Variants in KCNAB1 observed in about 807,000 individuals in gnomAD.
The protein encoded by KCNAB1 is potassium voltage-gated channel subfamily A regulatory beta subunit 1.
In KCNAB1, 35 loss-of-function variants were observed where a neutral mutation model predicts 64.6. The observed-to-expected ratio is 0.54, with a 90% CI of 0.41 to 0.72. The LOEUF (loss-of-function observed/expected upper bound fraction) is 0.72, where lower values mean the gene tolerates loss of function less well. Among genes scored for constraint, KCNAB1 ranks in the 30% least tolerant of loss-of-function variants. The pLI is 0.00. For missense variants in KCNAB1, 401 were observed against 512.9 expected, an observed-to-expected ratio of 0.78 and a Z score of 2.11; for synonymous variants, 177 against 183.8, an observed-to-expected ratio of 0.96 and a Z score of 0.30.
chr3:156,362,585 T>G (rs1039348954), intron 1 of KCNAB1, among the ~76,000 whole-genome samples: 1 of 152,230 alleles, frequency 6.6e-6, no homozygotes, highest in African/African-American at 2.4e-5. Context: ...ACTAGTTCAT[T>G]GGTTGATGTG....
intron 1 of KCNAB1, among the ~76,000 whole-genome samples, chr3:156,347,254 C>G (rs539030831): frequency 2.6e-4 from 39 of 152,292 alleles, no homozygotes; most frequent in African/African-American, 8.9e-4. Context: ...AAAAATAGAG[C>G]AGCAAACACT....
At chr3:156,155,168 T>A (rs1366698998) in intron 1 of KCNAB1, among the ~76,000 whole-genome samples, 2 of 152,176 alleles carry the variant, frequency 1.3e-5, no homozygotes, top group African/African-American at 4.8e-5. Context: ...TCGCTGTTTT[T>A]GGTACACTAT....
intron 1 of KCNAB1, among the ~76,000 whole-genome samples, chr3:156,245,703 G>A (rs1393580342): frequency 1.3e-5 from 2 of 152,152 alleles, no homozygotes; most frequent in Non-Finnish European, 2.9e-5. Flanking sequence ...TCTTGAACTT[G>A]CAAACAAGAG....
intron 1 of KCNAB1, among the ~76,000 whole-genome samples, chr3:156,127,370 T>C (rs1052054503): frequency 6.6e-6 from 1 of 152,244 alleles, no homozygotes; most frequent in African/African-American, 2.4e-5. Context: ...AGGCTGTAAT[T>C]CTTGTCATGT....
At chr3:156,432,732 A>G (rs566114872) in intron 2 of KCNAB1, among the ~76,000 whole-genome samples, 2 of 152,082 alleles carry the variant, frequency 1.3e-5, no homozygotes, top group African/African-American at 2.4e-5. Context: ...CTTATGCTTG[A>G]CAATAGCCTT....
intron 1 of KCNAB1, among the ~76,000 whole-genome samples, chr3:156,341,444 G>A (rs1388627818): frequency 6.6e-6 from 1 of 152,172 alleles, no homozygotes; most frequent in Non-Finnish European, 1.5e-5. Context: ...CCCTTAATTT[G>A]CACTGCCATT....
At chr3:156,439,599 G>T (rs1716852626) in intron 2 of KCNAB1, among the ~76,000 whole-genome samples, 1 of 152,142 alleles carries the variant, frequency 6.6e-6, no homozygotes, top group African/African-American at 2.4e-5. Flanking sequence ...CACCACAGAT[G>T]TATACTCTTT....
chr3:156,174,062 C>A (rs1209827770), intron 1 of KCNAB1, among the ~76,000 whole-genome samples: 1 of 152,118 alleles, frequency 6.6e-6, no homozygotes, highest in Non-Finnish European at 1.5e-5. Flanking sequence ...TGCAGACTAC[C>A]GATTATGGGA....
At chr3:156,192,071 T>C (rs1713594790) in intron 1 of KCNAB1, among the ~76,000 whole-genome samples, 1 of 152,232 alleles carries the variant, frequency 6.6e-6, no homozygotes, top group African/African-American at 2.4e-5. Flanking sequence ...TTTATAAAAC[T>C]GAGTTTGAAT....
chr3:156,243,156 C>T (rs1374155665), intron 1 of KCNAB1, among the ~76,000 whole-genome samples: 1 of 152,066 alleles, frequency 6.6e-6, no homozygotes, highest in Non-Finnish European at 1.5e-5. Flanking sequence ...GATCCACCCG[C>T]CTCGGCCTCC....
chr3:156,531,355 TA>T, intron 12 of KCNAB1, 53 bp from the exon 13 acceptor site: 1 of 1,294,092 alleles, frequency 7.7e-7, no homozygotes, highest in Non-Finnish European at 1.1e-6. Context: ...GTTTATAAGC[TA>T]ATCAACGATT....
chr3:156,384,142 A>G (rs1328181371), intron 1 of KCNAB1, among the ~76,000 whole-genome samples: 1 of 152,258 alleles, frequency 6.6e-6, no homozygotes, highest in African/African-American at 2.4e-5. Context: ...CTGCAATTAA[A>G]TAAGTTCACT....
At chr3:156,270,717 G>A (rs922433725) in intron 1 of KCNAB1, among the ~76,000 whole-genome samples, 4 of 152,030 alleles carry the variant, frequency 2.6e-5, no homozygotes, top group Admixed American at 1.3e-4. Context: ...TAAGATATGA[G>A]TAGTTTATAT....
intron 8 of KCNAB1, among the ~76,000 whole-genome samples, chr3:156,503,885 C>T (rs1559919113): frequency 6.6e-6 from 1 of 152,188 alleles, no homozygotes; most frequent in Admixed American, 6.5e-5. Flanking sequence ...TCACCTCAAA[C>T]ATTTATCATT....
chr3:156,139,953 C>T (rs772365120), intron 1 of KCNAB1, among the ~76,000 whole-genome samples: 2 of 152,112 alleles, frequency 1.3e-5, no homozygotes, highest in Non-Finnish European at 2.9e-5. Context: ...AAAGGAGGTA[C>T]AAGTACCACT....
At chr3:156,291,770 A>G in intron 1 of KCNAB1, 1 of 1,486,890 alleles carries the variant, frequency 6.7e-7, no homozygotes, top group Non-Finnish European at 8.9e-7. Context: ...AGCCGCCAGG[A>G]CTCCTCTGAC....
intron 8 of KCNAB1, among the ~76,000 whole-genome samples, chr3:156,477,689 C>T (rs937041972): frequency 2.6e-5 from 4 of 152,102 alleles, no homozygotes; most frequent in Admixed American, 2.6e-4. Flanking sequence ...CTGGAACAAC[C>T]AGAGTTTGAT....
intron 1 of KCNAB1, among the ~76,000 whole-genome samples, chr3:156,293,858 A>G (rs1720615976): frequency 6.6e-6 from 1 of 152,208 alleles, no homozygotes; most frequent in South Asian, 2.1e-4. Context: ...CTCTGCATGC[A>G]CTTCAGCTAC....
chr3:156,457,610 T>C (rs1712543309), intron 4 of KCNAB1, 78 bp downstream of exon 4: 3 of 1,293,762 alleles, frequency 2.3e-6, no homozygotes, highest in South Asian at 1.2e-5. Flanking sequence ...TTCCAGCATG[T>C]TGGTGAAAAG....
Sources: gnomAD v4.1 joint callset for allele counts (sites outside exome capture counted in the v4.1 genomes callset) on GRCh38, gnomAD v4.1.1 for gene constraint, MANE v1.5 for transcripts, NCBI Gene and HGNC (gene_info 2026-07-23, HGNC 2026-07-21) for gene names.